Variants in ZNF280D observed in about 807,000 individuals in gnomAD.
ZNF280D encodes the protein zinc finger protein 280D.
A neutral mutation model predicts 94.7 loss-of-function variants in ZNF280D; 39 were observed. The observed-to-expected ratio is 0.41, with a 90% CI of 0.32 to 0.54. The LOEUF (loss-of-function observed/expected upper bound fraction) is 0.54. Among genes scored for constraint, ZNF280D ranks in the 20% least tolerant of loss-of-function variants. ZNF280D has a pLI of 0.22. For synonymous variants in ZNF280D, 398 were observed against 377.6 expected (o/e 1.05, Z -0.63); for missense variants, 1,090 against 1,149.3 (o/e 0.95, Z 0.75).
At chr15:56,720,983 G>GGGA (rs1196977253) in intron 1 of ZNF280D, among the ~76,000 whole-genome samples, 2 of 105,744 alleles carry the variant, frequency 1.9e-5, no homozygotes, top group East Asian at 3.6e-4. Flanking sequence ...GGGGGGGGGG[G>GGGA]ACAGAGTCTC....
intron 1 of ZNF280D, among the ~76,000 whole-genome samples, chr15:56,708,242 AGTTATT>A (rs1260077672): frequency 6.6e-6 from 1 of 152,188 alleles, no homozygotes; most frequent in Non-Finnish European, 1.5e-5. Flanking sequence ...TAATTTCAGA[AGTTATT>A]GTTATTAATT....
Position 56,678,609 on chromosome 15 carries a change from A to C in ZNF280D, c.1162+55T>G. ...AACAGGCTTCTTAAGGTTTTCTCAC[A>C]ATTTATATTAGCGAAATCAATAATA... On this transcript the variant is annotated intron_variant, in intron 11 of 21. Coordinates refer to ENST00000267807, the MANE Select transcript of ZNF280D (RefSeq NM_017661.4). 3 of 1,374,176 alleles carry C rather than the reference A, an allele frequency of 2.2e-6. No homozygotes were observed. The South Asian group carries it at 6.0e-5, about 27-fold the overall frequency. The allele number at this position is 1,374,176 out of a possible 1,614,324, so 85.1% of individuals were successfully genotyped here. A position where few individuals can be genotyped will look rare whatever the true frequency, so the allele number is the denominator to read the frequency against.
chr15:56,660,993 A>C (rs976453750), intron 16 of ZNF280D, among the ~76,000 whole-genome samples: 3 of 152,044 alleles, frequency 2.0e-5, no homozygotes, highest in Admixed American at 6.6e-5. Flanking sequence ...TTGGGGGAGA[A>C]AGGGGATGGC....
intron 1 of ZNF280D, among the ~76,000 whole-genome samples, chr15:56,725,985 T>G (rs2058613988): frequency 2.0e-5 from 3 of 152,194 alleles, no homozygotes; most frequent in South Asian, 2.1e-4. Flanking sequence ...GAAATATTTT[T>G]TGGTGTAATC....
chr15:56,705,916 T>A (rs1179637486), intron 3 of ZNF280D, among the ~76,000 whole-genome samples: 1 of 151,500 alleles, frequency 6.6e-6, no homozygotes, highest in Non-Finnish European at 1.5e-5. Context: ...TCAGGGAGAC[T>A]CGTTGTATAG....
intron 19 of ZNF280D, among the ~76,000 whole-genome samples, chr15:56,649,353 T>C (rs1391117462): frequency 6.6e-6 from 1 of 152,150 alleles, no homozygotes; most frequent in Non-Finnish European, 1.5e-5. Context: ...TCCATCTCAC[T>C]GGGTCTCAAA....
At chr15:56,723,190 G>A (rs1425552414) in intron 1 of ZNF280D, among the ~76,000 whole-genome samples, 14 of 151,584 alleles carry the variant, frequency 9.2e-5, no homozygotes, top group African/African-American at 3.4e-4. Flanking sequence ...TAACTAACCT[G>A]CACAATGTGC....
At chr15:56,665,166 C>CA (rs1166913240) in intron 16 of ZNF280D, among the ~76,000 whole-genome samples, 1 of 151,786 alleles carries the variant, frequency 6.6e-6, no homozygotes, top group African/African-American at 2.4e-5. Context: ...CTGAAGCCAC[C>CA]AAAAAAGGTA....
At position 56,715,550 on chromosome 15, in the gene ZNF280D, G is replaced by A. The variant is rs372409022; in HGVS notation, c.-85-8244C>T. The stretch of plus-strand genomic sequence containing the variant: ...TATACTGTGTGCAGATTCAATTTAT[G>A]CATGAGTAGAGAGTATAATACATGT... On this transcript the variant is annotated intron_variant, in intron 1 of 21. Coordinates refer to ENST00000267807, the MANE Select transcript of ZNF280D (RefSeq NM_017661.4). 3.2e-4 allele frequency among the ~76,000 whole-genome samples: 48 copies of A among 152,206 alleles called. No homozygotes were observed. In the South Asian group the frequency reaches 8.1e-3, roughly 26 times the overall value.
intron 16 of ZNF280D, among the ~76,000 whole-genome samples, chr15:56,664,414 G>A (rs2054155449): frequency 6.6e-6 from 1 of 152,104 alleles, no homozygotes. Context: ...GAGAGAAAGA[G>A]ATGAAGATCC....
Position 56,631,912 on chromosome 15 carries a change from T to C in ZNF280D, c.2526A>G (p.Ile842Met). The C allele has an allele frequency of 6.2e-7, 1 of 1,613,802 alleles. No individual in the cohort carries two copies. The highest frequency in any genetic ancestry group is 8.5e-7 in the Non-Finnish European group (1 of 1,180,002). Residue 842 changes from isoleucine to methionine, a missense_variant, in exon 22 of 22, where the codon ATA becomes ATG. Physicochemically the swap from Ile to Met is conservative, Grantham distance 10. This residue lies in a region of ZNF280D where 577 missense variants were observed against 568.8 expected (regional missense o/e 1.01). Coordinates refer to ENST00000267807, the MANE Select transcript of ZNF280D (RefSeq NM_017661.4). ...ACTCCATTTCCTGACAAACGTGTTGTATTTGTTTTTTCTTTTCCACTTTAT... is the reference window on the plus strand; with the variant it reads ...ACTCCATTTCCTGACAAACGTGTTGCATTTGTTTTTTCTTTTCCACTTTAT... The part of the protein sequence containing the change: ...GADKVEKKKQ[I>M]QHVCQEMELK...
intron 6 of ZNF280D, chr15:56,699,782 C>T (rs540499556): frequency 6.3e-6 from 1 of 157,572 alleles, no homozygotes; most frequent in East Asian, 1.9e-4. Context: ...CCCATGTCAT[C>T]ACACAGAATA....
intron 10 of ZNF280D, among the ~76,000 whole-genome samples, chr15:56,679,647 A>G (rs1344485825): frequency 6.6e-6 from 1 of 152,206 alleles, no homozygotes; most frequent in Admixed American, 6.5e-5. Context: ...TTTGAGAGTA[A>G]AGTTATTCAA....
chr15:56,727,646 G>C (rs1270794567), intron 1 of ZNF280D, among the ~76,000 whole-genome samples: 1 of 152,044 alleles, frequency 6.6e-6, no homozygotes, highest in Non-Finnish European at 1.5e-5. Flanking sequence ...ATACAATTAA[G>C]AACTCAGACT....
intron 20 of ZNF280D, 94 bp downstream of exon 20, chr15:56,642,858 G>GTA: frequency 1.4e-6 from 1 of 701,188 alleles, no homozygotes; most frequent in South Asian, 3.3e-5. Flanking sequence ...TATTGTTGAT[G>GTA]TATGCATGCT....
rs2054690131 is a variant in ZNF280D, at chr15:56,669,959, ATATTATATATATATAATATATATATT to A, written c.1411-1028_1411-1003del. The stretch of plus-strand genomic sequence containing the variant: ...TATTATATATATATATTATATATAT[ATATTATATATATATAATATATATATT>A]ATATATATATATTATATATATATAA... On this transcript the variant is annotated intron_variant, in intron 13 of 21. Transcript: ENST00000267807. Among the ~76,000 whole-genome samples the A allele has an allele frequency of 8.3e-4, 3 of 3,634 alleles. 1 individual carries two copies. Among genetic ancestry groups the A allele is most frequent in the African/African-American group, 3.3e-3 (3 of 910 alleles). 2.4% of individuals were successfully genotyped at this position (3,634 alleles called of 152,430 possible).
chr15:56,708,113 A>G (rs1015302407), intron 1 of ZNF280D, among the ~76,000 whole-genome samples: 2 of 152,154 alleles, frequency 1.3e-5, no homozygotes, highest in Non-Finnish European at 2.9e-5. Flanking sequence ...ACACTGGAAT[A>G]TATAACTAAT....
At chr15:56,705,402 T>C (rs781037172) in intron 3 of ZNF280D, among the ~76,000 whole-genome samples, 8 of 152,208 alleles carry the variant, frequency 5.3e-5, no homozygotes, top group African/African-American at 7.2e-5. Flanking sequence ...TTACAATCTA[T>C]GTCACTCCAG....
chr15:56,635,260 TTAA>T lies in ZNF280D; in HGVS notation c.2260-13_2260-11del. 6.8e-7 allele frequency: 1 copy of T among 1,464,780 alleles called. No homozygotes were observed. The highest frequency in any genetic ancestry group is 9.1e-7 in the Non-Finnish European group (1 of 1,093,344). The allele number at this position is 1,464,780 out of a possible 1,614,324, so 90.7% of individuals were successfully genotyped here. A position where few individuals can be genotyped will look rare whatever the true frequency, so the allele number is the denominator to read the frequency against. On this transcript the variant is annotated splice_polypyrimidine_tract_variant and intron_variant, in intron 20 of 21. Transcript: ENST00000267807. ...TAGGTCTTGCAATTTCCTGAAATAA[TTAA>T]TAATACTTTTCTTTTACATTCACAG...
Sources: gnomAD v4.1 joint callset for allele counts (sites outside exome capture counted in the v4.1 genomes callset) on GRCh38, gnomAD v4.1.1 for gene constraint, gnomAD v4.1.1 regional missense constraint, MANE v1.5 for transcripts, NCBI Gene and HGNC (gene_info 2026-07-23, HGNC 2026-07-21) for gene names.